Variants in DNAH8 observed in about 807,000 individuals in gnomAD.
DNAH8 encodes the protein dynein axonemal heavy chain 8.
Under a neutral mutation model 562.1 loss-of-function variants are expected in DNAH8, and 382 were observed. The ratio of observed to expected loss-of-function variants is 0.68; its 90% confidence interval spans 0.63 to 0.74. DNAH8 has a LOEUF of 0.74. Ranked by LOEUF, DNAH8 falls within the 30% of genes least tolerant of loss-of-function variation. The pLI is 0.00. For missense variants in DNAH8, 5,203 were observed against 5,620.4 expected, an observed-to-expected ratio of 0.93 and a Z score of 2.37; for synonymous variants, 1,881 against 1,919.4, an observed-to-expected ratio of 0.98 and a Z score of 0.52.
chr6:38,891,724 C>T (rs1423405172), intron 58 of DNAH8, among the ~76,000 whole-genome samples: 1 of 152,202 alleles, frequency 6.6e-6, no homozygotes, highest in African/African-American at 2.4e-5. Flanking sequence ...TGGTAAGATA[C>T]ATGTGGTTTC....
At chr6:39,004,638 C>T (rs780622035) in intron 88 of DNAH8, among the ~76,000 whole-genome samples, 44 of 152,264 alleles carry the variant, frequency 2.9e-4, no homozygotes, top group South Asian at 6.2e-4. Flanking sequence ...TACAATATAA[C>T]GTTATAAGAT....
At position 38,786,878 on chromosome 6, in the gene DNAH8, T is replaced by C; in HGVS notation, c.2509T>C (p.Leu837=). ...RETKCMIKMK[L]DVPEQAKRLL... ...AACTAAGTGTATGATAAAAATGAAG[T>C]TGGATGTACCAGAACAGGCAAAGAG... The change falls in exon 18 of 93, where the codon TTG becomes CTG. Residue 837 remains leucine (L), a synonymous_variant. Coordinates refer to ENST00000327475, the MANE Select transcript of DNAH8 (RefSeq NM_001206927.2). The C allele has an allele frequency of 6.2e-7, 1 of 1,613,522 alleles. No homozygotes were observed. Among genetic ancestry groups the C allele is most frequent in the Non-Finnish European group, 8.5e-7 (1 of 1,179,710 alleles).
intron 24 of DNAH8, among the ~76,000 whole-genome samples, chr6:38,813,192 A>G (rs554446000): frequency 6.6e-6 from 1 of 152,248 alleles, no homozygotes; most frequent in East Asian, 1.9e-4. Flanking sequence ...TTATTCTCAA[A>G]TTACACACTT....
At chr6:38,861,233 C>G (rs1203615010) in intron 43 of DNAH8, among the ~76,000 whole-genome samples, 1 of 152,176 alleles carries the variant, frequency 6.6e-6, no homozygotes, top group Non-Finnish European at 1.5e-5. Context: ...GAAATTATAT[C>G]AAATCACATC....
Position 39,014,643 on chromosome 6 carries a change from G to A in DNAH8, c.13714+2006G>A, listed in dbSNP as rs116063028. The stretch of plus-strand genomic sequence containing the variant: ...TTAATTCTGCCAAGAGCTTCACACA[G>A]GAAGCAGTGAGTAGGGTTTGCAGAA... On this transcript the variant is annotated intron_variant, in intron 91 of 92. Transcript: ENST00000327475. Among the ~76,000 whole-genome samples, 1,470 of 152,306 alleles carry A rather than the reference G, an allele frequency of 9.7e-3. 18 individuals carry two copies. Among genetic ancestry groups the A allele is most frequent in the African/African-American group, 0.032 (1,330 of 41,554 alleles).
At position 38,723,151 on chromosome 6, in the gene DNAH8, G is replaced by C. The variant is rs1490646197; in HGVS notation, c.342G>C (p.Arg114=). The part of the protein sequence containing the change: ...PSSRRSSRYR[R]SMSGLPNLQE... ...CCCGGAGGTCCTCCAGATACCGCCG[G>C]AGTATGAGTGGCCTTCCCAATCTAC... The change falls in exon 2 of 93, where the codon CGG becomes CGC. Residue 114 remains arginine, a synonymous_variant. Coordinates refer to ENST00000327475, the MANE Select transcript of DNAH8 (RefSeq NM_001206927.2). 6.2e-7 allele frequency: 1 copy of C among 1,612,560 alleles called. No homozygotes were observed. Among genetic ancestry groups the C allele is most frequent in the Middle Eastern group, 1.6e-4 (1 of 6,062 alleles).
chr6:38,928,248 G>C (rs531489496), intron 74 of DNAH8: 1 of 152,088 alleles, frequency 6.6e-6, no homozygotes, highest in Admixed American at 6.6e-5. Context: ...ACCTGAAATT[G>C]GGATTCCAAA....
Position 38,789,989 on chromosome 6 carries a change from T to G in DNAH8, c.2664+106T>G, listed in dbSNP as rs1421673757. 1.1e-5 allele frequency: 9 copies of G among 789,714 alleles called. No individual in the cohort carries two copies. The East Asian group carries it at 2.2e-4, about 19-fold the overall frequency. 48.9% of individuals were successfully genotyped at this position (789,714 alleles called of 1,614,324 possible). ...CATCTATTCTTCTTTAGACCCTCCA[T>G]CTTTCTAGTTCAATTTTATAGCTCT... On this transcript the variant is annotated intron_variant, in intron 19 of 92. Coordinates refer to ENST00000327475, the MANE Select transcript of DNAH8 (RefSeq NM_001206927.2).
intron 74 of DNAH8, among the ~76,000 whole-genome samples, chr6:38,927,262 A>G (rs1001549020): frequency 2.0e-5 from 3 of 152,216 alleles, no homozygotes; most frequent in Non-Finnish European, 2.9e-5. Flanking sequence ...CCTTAATTAG[A>G]TAGTTTCTTT....
In DNAH8 at chr6:39,012,372, G is replaced by A; in HGVS notation, c.13524+5G>A. On this transcript the variant is annotated splice_donor_5th_base_variant and intron_variant, in intron 90 of 92. Transcript: ENST00000327475. Reference sequence around the variant, plus strand: ...GGAACAATCATTATGAGTGAGGTGAGCTGTTATTACATCAGTAGGCATTTC... The same window carrying A: ...GGAACAATCATTATGAGTGAGGTGAACTGTTATTACATCAGTAGGCATTTC... 1 of 1,611,014 alleles carries A rather than the reference G, an allele frequency of 6.2e-7. No individual in the cohort carries two copies. Among genetic ancestry groups the A allele is most frequent in the Non-Finnish European group, 8.5e-7 (1 of 1,177,610 alleles).
At chr6:38,716,459 T>C (rs1762355859) in intron 1 of DNAH8, 1 of 152,228 alleles carries the variant, frequency 6.6e-6, no homozygotes, top group Admixed American at 6.5e-5. Context: ...CTTCTGCCTA[T>C]AATGTTTCTC....
At chr6:38,946,592 C>A (rs948665485) in intron 80 of DNAH8, among the ~76,000 whole-genome samples, 5 of 152,168 alleles carry the variant, frequency 3.3e-5, no homozygotes, top group Admixed American at 6.5e-5. Context: ...AGGTGGATCA[C>A]GAGGTCAGGA....
chr6:38,905,487 G>A (rs866604438), intron 62 of DNAH8, among the ~76,000 whole-genome samples: 1 of 152,246 alleles, frequency 6.6e-6, no homozygotes, highest in South Asian at 2.1e-4. Flanking sequence ...TTAATGAGCT[G>A]TGCAAATTGC....
intron 62 of DNAH8, among the ~76,000 whole-genome samples, chr6:38,901,678 C>T (rs908082329): frequency 2.6e-5 from 4 of 151,814 alleles, no homozygotes; most frequent in African/African-American, 4.8e-5. Context: ...CTTTTATTTC[C>T]GTATAAAATT....
At chr6:38,854,505 T>TAG (rs112408465) in intron 41 of DNAH8, among the ~76,000 whole-genome samples, 1 of 151,794 alleles carries the variant, frequency 6.6e-6, no homozygotes, top group Non-Finnish European at 1.5e-5. Context: ...GACAGAGATA[T>TAG]AATCAACCTT....
intron 8 of DNAH8, among the ~76,000 whole-genome samples, chr6:38,746,850 A>G (rs1232932554): frequency 6.6e-6 from 1 of 151,742 alleles, no homozygotes; most frequent in East Asian, 1.9e-4. Context: ...AATCACTTGA[A>G]CCCGGGAGGT....
At chr6:38,767,498 G>C (rs4279429) in intron 11 of DNAH8, among the ~76,000 whole-genome samples, 2 of 151,190 alleles carry the variant, frequency 1.3e-5, no homozygotes, top group Admixed American at 1.3e-4. Flanking sequence ...TGTATTTACT[G>C]TCTCTCTTTA....
intron 88 of DNAH8, among the ~76,000 whole-genome samples, chr6:39,002,850 C>A (rs370141047): frequency 1.3e-5 from 2 of 152,142 alleles, no homozygotes; most frequent in East Asian, 1.9e-4. Flanking sequence ...GATACTAGGA[C>A]CCTCGTATCA....
intron 14 of DNAH8, among the ~76,000 whole-genome samples, chr6:38,778,811 C>T (rs762236411): frequency 1.3e-5 from 2 of 152,168 alleles, no homozygotes; most frequent in Admixed American, 6.6e-5. Context: ...GAAAGAATTT[C>T]TGAAAGTGAG....
Sources: allele counts gnomAD v4.1 joint callset (sites outside exome capture counted in the v4.1 genomes callset), GRCh38; gene constraint gnomAD v4.1.1; transcripts MANE v1.5; gene names NCBI Gene and HGNC (gene_info 2026-07-23, HGNC 2026-07-21).